The following CAMK2B variants were observed in gnomAD, a reference collection of about 807,000 sequenced individuals.
The protein encoded by CAMK2B is calcium/calmodulin dependent protein kinase II beta.
In CAMK2B, 27 loss-of-function variants were observed where a neutral mutation model predicts 93.7. That is an observed-to-expected ratio of 0.29 (90% CI 0.21 to 0.40). CAMK2B has a LOEUF of 0.40. CAMK2B is among the 10% of genes least tolerant of loss of function. CAMK2B has a pLI of 1.00. For synonymous variants in CAMK2B, 374 were observed against 358.8 expected, an observed-to-expected ratio of 1.04 and a Z score of -0.48; for missense variants, 568 against 895.8, an observed-to-expected ratio of 0.63 and a Z score of 4.67.
intron 1 of CAMK2B, among the ~76,000 whole-genome samples, chr7:44,304,564 G>A (rs908181966): frequency 6.6e-6 from 1 of 152,216 alleles, no homozygotes; most frequent in Non-Finnish European, 1.5e-5. Flanking sequence ...GCAGAAGAGA[G>A]TCAAAAGACC....
chr7:44,318,201 GA>G (rs1375585270), intron 1 of CAMK2B, among the ~76,000 whole-genome samples: 2 of 152,222 alleles, frequency 1.3e-5, no homozygotes. Context: ...ACCTCATTAA[GA>G]AATTAGCTGA....
chr7:44,250,824 G>A (rs2096773861), intron 5 of CAMK2B, among the ~76,000 whole-genome samples: 1 of 152,152 alleles, frequency 6.6e-6, no homozygotes, highest in Non-Finnish European at 1.5e-5. Context: ...CACCGTGCCT[G>A]GCCACCACAT....
Position 44,258,998 on chromosome 7 carries a change from T to C in CAMK2B, c.221-72A>G, listed in dbSNP as rs2096857134. 3 of 1,328,880 alleles carry C rather than the reference T, an allele frequency of 2.3e-6. No homozygotes were observed. The South Asian group carries it at 3.6e-5, about 16-fold the overall frequency. The allele number at this position is 1,328,880 out of a possible 1,614,324, so 82.3% of individuals were successfully genotyped here. A position where few individuals can be genotyped will look rare whatever the true frequency, so the allele number is the denominator to read the frequency against. ...CACCTCCTGCCTGCCTCCGTACCTG[T>C]CCAGGCACACCACCAGCGGTGTAAG... On this transcript the variant is annotated intron_variant, in intron 3 of 23. Transcript: ENST00000395749.
At chr7:44,245,932 G>A (rs2096725348) in intron 6 of CAMK2B, among the ~76,000 whole-genome samples, 1 of 152,144 alleles carries the variant, frequency 6.6e-6, no homozygotes, top group South Asian at 2.1e-4. Flanking sequence ...AAGCCTTGGG[G>A]AAGGTGGGGT....
At chr7:44,301,997 T>C (rs1790187089) in intron 1 of CAMK2B, among the ~76,000 whole-genome samples, 1 of 152,054 alleles carries the variant, frequency 6.6e-6, no homozygotes, top group Non-Finnish European at 1.5e-5. Context: ...ATTGGAAAAC[T>C]GCTAATCAGG....
intron 2 of CAMK2B, chr7:44,267,015 G>C (rs1451649065): frequency 6.6e-6 from 1 of 152,272 alleles, no homozygotes; most frequent in Non-Finnish European, 1.5e-5. Flanking sequence ...GTGCACACTG[G>C]CTCCGGGAAC....
Position 44,228,843 on chromosome 7 carries a change from G to T in CAMK2B, c.1421C>A (p.Pro474His), listed in dbSNP as rs1459456612. 1 of 1,504,384 alleles carries T rather than the reference G, an allele frequency of 6.6e-7. No individual in the cohort carries two copies. Among genetic ancestry groups the T allele is most frequent in the South Asian group, 1.4e-5 (1 of 73,334 alleles). The allele number at this position is 1,504,384 out of a possible 1,614,324, so 93.2% of individuals were successfully genotyped here. ...PEAEGPLSAG[P>H]PPCLSPALLG... The stretch of plus-strand genomic sequence containing the variant: ...GAGAGCCGGAGACAGGCAGGGCGGG[G>T]GCCCCGCTGAGAGGGGGCCCTCGGC... The change falls in exon 19 of 24, where the codon CCC becomes CAC. Residue 474 changes from proline (P) to histidine (H), a missense_variant. Pro to His is a moderately conservative substitution (Grantham distance 77, BLOSUM62 -2). Coordinates refer to ENST00000395749, the MANE Select transcript of CAMK2B (RefSeq NM_001220.5).
chr7:44,284,533 G>A lies in CAMK2B; in HGVS notation c.66-308C>T, dbSNP rs1163157229. Among the ~76,000 whole-genome samples, 4 of 152,220 alleles carry A rather than the reference G, an allele frequency of 2.6e-5. No individual in the cohort carries two copies. In the South Asian group the frequency reaches 6.2e-4, roughly 24 times the overall value. On this transcript the variant is annotated intron_variant, in intron 1 of 23. Transcript: ENST00000395749. Reference sequence around the variant, plus strand: ...TCAGTCAGGCCCTCGGGAGGGTGGCGGAGGGGCCCCGTTCAGCTCCTGTGT... The same window carrying A: ...TCAGTCAGGCCCTCGGGAGGGTGGCAGAGGGGCCCCGTTCAGCTCCTGTGT...
chr7:44,300,081 C>T (rs917391423), intron 1 of CAMK2B, among the ~76,000 whole-genome samples: 3 of 150,644 alleles, frequency 2.0e-5, no homozygotes, highest in Non-Finnish European at 4.4e-5. Context: ...CAGACAGGGA[C>T]TCACTCTGTC....
chr7:44,325,538 C>CCT lies in CAMK2B; in HGVS notation c.-118_-117insAG. 1 of 456,612 alleles carries CCT rather than the reference C, an allele frequency of 2.2e-6. No individual in the cohort carries two copies. Among genetic ancestry groups the CCT allele is most frequent in the Non-Finnish European group, 2.9e-6 (1 of 348,732 alleles). The allele number at this position is 456,612 out of a possible 1,614,324, so 28.3% of individuals were successfully genotyped here. A position where few individuals can be genotyped will look rare whatever the true frequency, so the allele number is the denominator to read the frequency against. On this transcript the variant is annotated 5_prime_UTR_variant, in exon 1 of 24. Transcript: ENST00000395749. Reference sequence around the variant, plus strand: ...CGGGCGCGGGAGACACCTCGGCTCGCGGCGCCAGGCGGGGGCCGGGCTGGG... The same window carrying CCT: ...CGGGCGCGGGAGACACCTCGGCTCGCCTGGCGCCAGGCGGGGGCCGGGCTGGG...
At chr7:44,274,971 G>A (rs2129067798) in intron 2 of CAMK2B, among the ~76,000 whole-genome samples, 1 of 151,432 alleles carries the variant, frequency 6.6e-6, no homozygotes, top group Admixed American at 6.5e-5. Flanking sequence ...GAAAAGAGGA[G>A]TGAGGCAGGG....
intron 3 of CAMK2B, among the ~76,000 whole-genome samples, chr7:44,262,455 G>A (rs776723140): frequency 4.1e-4 from 63 of 152,354 alleles, no homozygotes; most frequent in African/African-American, 1.3e-3. Context: ...CTGGGCCAGC[G>A]CAAGAAAACA....
intron 2 of CAMK2B, among the ~76,000 whole-genome samples, chr7:44,269,757 C>T (rs959951628): frequency 2.0e-5 from 3 of 152,078 alleles, no homozygotes; most frequent in Non-Finnish European, 4.4e-5. Context: ...CTCCCCCTCT[C>T]GCCCAAGGGC....
At chr7:44,322,313 A>C (rs954453287) in intron 1 of CAMK2B, among the ~76,000 whole-genome samples, 2 of 152,248 alleles carry the variant, frequency 1.3e-5, no homozygotes, top group African/African-American at 4.8e-5. Context: ...ATGTACCCGA[A>C]AGAGCCTGGG....
chr7:44,224,786 C>T lies in CAMK2B; in HGVS notation c.1597+1730G>A, dbSNP rs1046583389. 5.3e-5 allele frequency among the ~76,000 whole-genome samples: 8 copies of T among 151,962 alleles called. No homozygotes were observed. Among genetic ancestry groups the T allele is most frequent in the Admixed American group, 2.0e-4 (3 of 15,276 alleles). ...GGTGGGGAGGAGACGGGGCCTGAGG[C>T]GGGCCGTGGGCACCTGCCCTATTTA... On this transcript the variant is annotated intron_variant, in intron 20 of 23. Coordinates refer to ENST00000395749, the MANE Select transcript of CAMK2B (RefSeq NM_001220.5). The surrounding 1 kb of genome is among the most constrained non-coding windows in gnomAD (Gnocchi z 4.4).
chr7:44,297,740 T>A (rs975176601), intron 1 of CAMK2B, among the ~76,000 whole-genome samples: 1 of 152,168 alleles, frequency 6.6e-6, no homozygotes, highest in African/African-American at 2.4e-5. Flanking sequence ...TTAAAATTGA[T>A]ATGGAATCTC....
rs538519390 is a variant in CAMK2B, at chr7:44,290,025, C to T, written c.66-5800G>A. On this transcript the variant is annotated intron_variant, in intron 1 of 23. Transcript: ENST00000395749. ...TGCATCAGTCCTGAGCCTCACCGGT[C>T]GGTTGCAGTTCACAGGCATGCGCAC... is the stretch of plus-strand genomic sequence containing the variant. Among the ~76,000 whole-genome samples, 6 of 152,280 alleles carry T rather than the reference C, an allele frequency of 3.9e-5. No individual in the cohort carries two copies. In the East Asian group the frequency reaches 9.6e-4, roughly 24 times the overall value.
At position 44,248,260 on chromosome 7, in the gene CAMK2B, A is replaced by C. The variant is rs960955444; in HGVS notation, c.342-1068T>G. ...CAGAAGTCCAGGGCCCTTCCAGGCC[A>C]TGACTGGCTGGGAGGAGAGGTCCAA... On this transcript the variant is annotated intron_variant, in intron 5 of 23. Coordinates refer to ENST00000395749, the MANE Select transcript of CAMK2B (RefSeq NM_001220.5). This position sits in a 1 kb window ranked among gnomAD's most constrained non-coding sequence, Gnocchi z 4.1. Among the ~76,000 whole-genome samples the C allele has an allele frequency of 3.3e-5, 5 of 152,138 alleles. No individual in the cohort carries two copies. The highest frequency in any genetic ancestry group is 7.4e-5 in the Non-Finnish European group (5 of 68,004).
At chr7:44,306,916 G>T in intron 1 of CAMK2B, among the ~76,000 whole-genome samples, 2 of 138,280 alleles carry the variant, frequency 1.4e-5, no homozygotes, top group South Asian at 2.5e-4. Context: ...GTGAGCAGGG[G>T]GAAGAGGGTG....
Sources: gnomAD v4.1 joint callset for allele counts (sites outside exome capture counted in the v4.1 genomes callset) on GRCh38, gnomAD v4.1.1 for gene constraint, Gnocchi (gnomAD v3.1) non-coding constraint, MANE v1.5 for transcripts, NCBI Gene and HGNC (gene_info 2026-07-23, HGNC 2026-07-21) for gene names.